Variants in KRT4 observed in about 807,000 individuals in gnomAD.
KRT4 encodes the protein keratin 4.
Under a neutral mutation model 50.6 loss-of-function variants are expected in KRT4, and 47 were observed. The observed-to-expected ratio is 0.93, with a 90% CI of 0.73 to 1.18. The LOEUF is 1.18. Ranked by LOEUF, KRT4 falls within the 50% of genes most tolerant of loss-of-function variation. The probability of loss-of-function intolerance (pLI) is 0.00; values close to 1 mark genes in which losing one functional copy is unlikely to be tolerated. For synonymous variants in KRT4, 254 were observed against 251.2 expected (o/e 1.01, Z -0.10); for missense variants, 651 against 645.7 (o/e 1.01, Z -0.09).
At chr12:52,808,900 C>T in intron 4 of KRT4, 50 bp from the exon 5 acceptor site, 1 of 1,597,058 alleles carries the variant, frequency 6.3e-7, no homozygotes, top group Non-Finnish European at 8.6e-7. Context: ...CCTTCACTGA[C>T]CTGATACAGG....
At chr12:52,810,979 T>C (rs1254190097) in intron 2 of KRT4, 163 bp from the exon 3 acceptor site, 3 of 648,426 alleles carry the variant, frequency 4.6e-6, no homozygotes, top group African/African-American at 3.6e-5. Flanking sequence ...CCTATATTCA[T>C]TGAATATAGG....
In KRT4 at chr12:52,808,799, T is replaced by C; in HGVS notation, c.886A>G (p.Met296Val). ...HVSDTSVVLS[M>V]DNNRNLDLDS... The stretch of plus-strand genomic sequence containing the variant: ...AGGTCCAGGTTGCGGTTGTTGTCCA[T>C]GGAAAGGACCACGGACGTGTCGCTG... The change falls in exon 5 of 9, where the codon ATG becomes GTG. Residue 296 changes from methionine to valine, a missense_variant. By Grantham distance (21) the Met-to-Val change is conservative (BLOSUM62 1). Transcript: ENST00000551956. 1.9e-6 allele frequency: 3 copies of C among 1,614,174 alleles called. No individual in the cohort carries two copies. The highest frequency in any genetic ancestry group is 2.2e-5 in the South Asian group (2 of 91,080).
At chr12:52,807,330 C>A in intron 8 of KRT4, 29 bp downstream of exon 8, 3 of 1,614,196 alleles carry the variant, frequency 1.9e-6, no homozygotes, top group South Asian at 1.1e-5. Flanking sequence ...GGTGAATGAA[C>A]AACTACAGCA....
rs531863012 is a variant in KRT4 at position 52,808,670 on chromosome 12, G to A, written c.999+16C>T. 1 of 1,613,968 alleles carries A rather than the reference G, an allele frequency of 6.2e-7. No individual in the cohort carries two copies. Among genetic ancestry groups the A allele is most frequent in the Admixed American group, 1.7e-5 (1 of 60,022 alleles). On this transcript the variant is annotated intron_variant, in intron 5 of 8. Coordinates refer to ENST00000551956, the MANE Select transcript of KRT4 (RefSeq NM_002272.4). ...CCAGAGCCAGCCCCATCTCCTGAGA[G>A]ATCCATACCACCCACCTTGGTCTGG...
chr12:52,811,091 T>C (rs1592310894), intron 2 of KRT4, among the ~76,000 whole-genome samples: 1 of 152,244 alleles, frequency 6.6e-6, no homozygotes, highest in Non-Finnish European at 1.5e-5. Context: ...TGATTTAATG[T>C]CCCTGAAAGG....
intron 2 of KRT4, chr12:52,811,469 T>C: frequency 2.4e-6 from 1 of 410,180 alleles, no homozygotes; most frequent in South Asian, 2.3e-5. Flanking sequence ...GTCTCTACAG[T>C]CTGTATTCTT....
chr12:52,810,709 G>A (rs1171305318), intron 3 of KRT4, 47 bp downstream of exon 3: 1 of 1,528,210 alleles, frequency 6.5e-7, no homozygotes, highest in Non-Finnish European at 9.1e-7. Flanking sequence ...CACTCCCCAA[G>A]GGAAGGGGCA....
rs58438042 is a variant in KRT4 at position 52,810,894 on chromosome 12, A to C, written c.678-78T>G. On this transcript the variant is annotated intron_variant, in intron 2 of 8. Coordinates refer to ENST00000551956, the MANE Select transcript of KRT4 (RefSeq NM_002272.4). The stretch of plus-strand genomic sequence containing the variant: ...TCTCAGATCTCTGCTGCTTGTTTTC[A>C]AGCATTTCCAAACAAATTTGGAAAT... 3,159 of 1,204,170 alleles carry C rather than the reference A, an allele frequency of 2.6e-3. 60 individuals carry two copies. In the African/African-American group the frequency reaches 0.041, roughly 16 times the overall value. 74.6% of individuals were successfully genotyped at this position (1,204,170 alleles called of 1,614,324 possible). A position where few individuals can be genotyped will look rare whatever the true frequency, so the allele number is the denominator to read the frequency against.
chr12:52,807,785 A>G lies in KRT4; in HGVS notation c.1205T>C (p.Val402Ala). The G allele has an allele frequency of 1.2e-6, 2 of 1,614,122 alleles. No homozygotes were observed. Among genetic ancestry groups the G allele is most frequent in the Non-Finnish European group, 1.7e-6 (2 of 1,180,022 alleles). The change falls in exon 7 of 9, where the codon GTA becomes GCA. Residue 402 changes from valine to alanine, a missense_variant. By Grantham distance (64) the Val-to-Ala change is moderately conservative (BLOSUM62 0). Coordinates refer to ENST00000551956, the MANE Select transcript of KRT4 (RefSeq NM_002272.4). ...NALKDAHSKRVELEAALQQAK... is the reference protein window; with the variant it reads ...NALKDAHSKRAELEAALQQAK... ...CTGCTGCAGGGCAGCCTCCAGCTCT[A>G]CGCGCTTGCTGTGGGCATCTTTAAG...
chr12:52,810,912 T>C (rs2121252321), intron 2 of KRT4, 96 bp from the exon 3 acceptor site: 2 of 1,008,498 alleles, frequency 2.0e-6, no homozygotes, highest in Non-Finnish European at 3.2e-6. Flanking sequence ...CCAAACAAAT[T>C]TGGAAATATC....
intron 7 of KRT4, 102 bp downstream of exon 7, chr12:52,807,542 C>G (rs1229541285): frequency 6.7e-7 from 1 of 1,500,928 alleles, no homozygotes; most frequent in Non-Finnish European, 9.3e-7. Flanking sequence ...GTTCGTAATG[C>G]ACCGGCACAA....
intron 4 of KRT4, 148 bp downstream of exon 4, chr12:52,809,235 C>G: frequency 1.4e-6 from 1 of 730,654 alleles, no homozygotes; most frequent in Non-Finnish European, 2.5e-6. Flanking sequence ...TTTCCCACTT[C>G]AAACCTTTCT....
In KRT4 at chr12:52,813,841, C is replaced by T. The variant is rs1939958547; in HGVS notation, c.218G>A (p.Cys73Tyr). 2 of 660,538 alleles carry T rather than the reference C, an allele frequency of 3.0e-6. No individual in the cohort carries two copies. Among genetic ancestry groups the T allele is most frequent in the East Asian group, 7.6e-5 (1 of 13,218 alleles). The allele number at this position is 660,538 out of a possible 1,614,324, so 40.9% of individuals were successfully genotyped here. A position where few individuals can be genotyped will look rare whatever the true frequency, so the allele number is the denominator to read the frequency against. Residue 73 changes from cysteine to tyrosine, a missense_variant, in exon 1 of 9, where the codon TGC (cysteine) becomes TAC (tyrosine). Cys to Tyr is a radical substitution (Grantham distance 194). Transcript: ENST00000551956. Reference protein sequence around the residue: ...MSVAGSRQGACFGGAGGFGTG... With the variant: ...MSVAGSRQGAYFGGAGGFGTG... ...GCCAAAGCCTCCAGCACCCCCAAAG[C>T]AGGCACCTTGTCGTGACCCAGCCAC...
Position 52,807,872 on chromosome 12 carries a change from C to T in KRT4, c.1126-8G>A. 1 of 1,612,752 alleles carries T rather than the reference C, an allele frequency of 6.2e-7. No individual in the cohort carries two copies. Among genetic ancestry groups the T allele is most frequent in the Non-Finnish European group, 8.5e-7 (1 of 1,179,788 alleles). ...TACCTGAAGAGTCTGGCACTATTGA[C>T]AAAGGCATTAGATAGGTGGTCAGCA... On this transcript the variant is annotated splice_region_variant and splice_polypyrimidine_tract_variant and intron_variant, in intron 6 of 8. Transcript: ENST00000551956.
At chr12:52,813,442 G>T (rs1034234717) in intron 1 of KRT4, among the ~76,000 whole-genome samples, 155 bp downstream of exon 1, 1 of 152,070 alleles carries the variant, frequency 6.6e-6, no homozygotes, top group African/African-American at 2.4e-5. Flanking sequence ...AAAAAGGAAG[G>T]CTCAAAGTCA....
In KRT4 at chr12:52,807,059, C is replaced by T. The variant is rs757141600; in HGVS notation, c.*10G>A. The T allele has an allele frequency of 6.2e-7, 1 of 1,613,990 alleles. No homozygotes were observed. Among genetic ancestry groups the T allele is most frequent in the South Asian group, 1.1e-5 (1 of 91,060 alleles). ...GCTGGACACAGTGAGCTGCAGGGAC[C>T]TCGTCTCCTCTATCGTCTCTTGTTC... On this transcript the variant is annotated 3_prime_UTR_variant, in exon 9 of 9. Transcript: ENST00000551956.
Position 52,807,690 on chromosome 12 carries a change from T to A in KRT4, c.1300A>T (p.Ile434Phe), listed in dbSNP as rs775355098. The change falls in exon 7 of 9, where the codon ATC (isoleucine) becomes TTC (phenylalanine). Residue 434 changes from isoleucine to phenylalanine, a missense_variant. Transcript: ENST00000551956. ...ELMSVKLALDIEIATYRKLLE... is the reference protein window; with the variant it reads ...ELMSVKLALDFEIATYRKLLE... ...AGTTTGCGGTAGGTGGCGATCTCGA[T>A]GTCCAAGGCCAGCTTCACACTCATG... is the stretch of plus-strand genomic sequence containing the variant. The A allele has an allele frequency of 1.7e-5, 27 of 1,614,160 alleles. No homozygotes were observed. The highest frequency in any genetic ancestry group is 2.2e-5 in the Non-Finnish European group (26 of 1,180,016).
chr12:52,807,711 T>C lies in KRT4; in HGVS notation c.1279A>G (p.Ser427Gly), dbSNP rs370506925. Reference sequence around the variant, plus strand: ...TCGATGTCCAAGGCCAGCTTCACACTCATGAGCTCCTGGTACTCACGCAGC... The same window carrying C: ...TCGATGTCCAAGGCCAGCTTCACACCCATGAGCTCCTGGTACTCACGCAGC... ...RMLREYQELM[S>G]VKLALDIEIA... Residue 427 changes from serine (S) to glycine (G), a missense_variant, in exon 7 of 9, where the codon AGT becomes GGT. Ser to Gly is a moderately conservative substitution (Grantham distance 56, BLOSUM62 0). Coordinates refer to ENST00000551956, the MANE Select transcript of KRT4 (RefSeq NM_002272.4). 6.2e-7 allele frequency: 1 copy of C among 1,613,960 alleles called. No individual in the cohort carries two copies. The highest frequency in any genetic ancestry group is 1.3e-5 in the African/African-American group (1 of 74,892).
chr12:52,806,631 T>G lies in KRT4; in HGVS notation c.*438A>C. ...AGGAGTAGAATGGGACACTAAGTGGTTCTCATCCTAAGCTTGCAGGGCCAA... is the reference window on the plus strand; with the variant it reads ...AGGAGTAGAATGGGACACTAAGTGGGTCTCATCCTAAGCTTGCAGGGCCAA... On this transcript the variant is annotated 3_prime_UTR_variant, in exon 9 of 9. Transcript: ENST00000551956. 1 of 259,888 alleles carries G rather than the reference T, an allele frequency of 3.8e-6. No homozygotes were observed. The highest frequency in any genetic ancestry group is 7.6e-6 in the Non-Finnish European group (1 of 131,434). 16.1% of individuals were successfully genotyped at this position (259,888 alleles called of 1,614,324 possible). A position where few individuals can be genotyped will look rare whatever the true frequency, so the allele number is the denominator to read the frequency against.
Sources: gnomAD v4.1 joint callset for allele counts (sites outside exome capture counted in the v4.1 genomes callset) on GRCh38, gnomAD v4.1.1 for gene constraint, MANE v1.5 for transcripts, NCBI Gene and HGNC (gene_info 2026-07-23, HGNC 2026-07-21) for gene names.